Variants in EIF4G3 observed in about 807,000 individuals in gnomAD.
The protein encoded by EIF4G3 is eIF-4-gamma 3.
Under a neutral mutation model 186.4 loss-of-function variants are expected in EIF4G3, and 34 were observed. The observed-to-expected ratio is 0.18, with a 90% confidence interval of 0.14 to 0.24. EIF4G3 has a LOEUF of 0.24. EIF4G3 is among the 10% of genes least tolerant of loss of function. The pLI, the probability that EIF4G3 is intolerant of heterozygous loss-of-function variation, is 1.00. For synonymous variants in EIF4G3, 673 were observed against 679.5 expected (o/e 0.99, Z 0.15); for missense variants, 1,536 against 1,948.5 (o/e 0.79, Z 3.99).
intron 24 of EIF4G3, among the ~76,000 whole-genome samples, chr1:20,858,921 G>C (rs560772586): frequency 2.0e-5 from 3 of 152,198 alleles, no homozygotes; most frequent in Non-Finnish European, 4.4e-5. Context: ...GCTTGAATCC[G>C]GGAGGCGGAG....
intron 22 of EIF4G3, among the ~76,000 whole-genome samples, chr1:20,863,378 T>TAAAAAAAAAAAAAAA (rs3051243): frequency 5.9e-5 from 6 of 102,494 alleles, no homozygotes; most frequent in African/African-American, 1.6e-4. Context: ...CTACAAAAAG[T>TAAAAAAAAAAAAAAA]AAAAAAAAAA....
intron 13 of EIF4G3, among the ~76,000 whole-genome samples, chr1:20,943,241 G>A (rs953112047): frequency 3.9e-5 from 6 of 151,962 alleles, no homozygotes; most frequent in Non-Finnish European, 7.4e-5. Context: ...GTTAATACAC[G>A]AATAAATCCA....
intron 4 of EIF4G3, among the ~76,000 whole-genome samples, chr1:21,009,363 GGA>G (rs2086276526): frequency 6.6e-6 from 1 of 151,846 alleles, no homozygotes; most frequent in Admixed American, 6.6e-5. Context: ...AATTTTTCGT[GGA>G]GATAGGGTCT....
intron 14 of EIF4G3, among the ~76,000 whole-genome samples, chr1:20,905,551 A>G (rs2091824636): frequency 6.6e-6 from 1 of 152,194 alleles, no homozygotes; most frequent in Admixed American, 6.5e-5. Flanking sequence ...CTAGCCTTTC[A>G]TATTGATAGA....
intron 29 of EIF4G3, chr1:20,847,930 A>G (rs1466586043): frequency 1.1e-5 from 5 of 449,440 alleles, no homozygotes. Context: ...TGTGGAAAGC[A>G]GATGATGATT....
intron 4 of EIF4G3, among the ~76,000 whole-genome samples, chr1:21,011,835 G>GT (rs1435626287): frequency 1.3e-5 from 2 of 152,156 alleles, no homozygotes. Flanking sequence ...ACATAAAACA[G>GT]TTCAGAGGTA....
chr1:21,034,676 G>A (rs143182896), intron 4 of EIF4G3, among the ~76,000 whole-genome samples: 1 of 152,376 alleles, frequency 6.6e-6, no homozygotes, highest in Middle Eastern at 3.4e-3. Context: ...ACTGGCAGAG[G>A]TGGGGTGCGG....
At chr1:20,960,740 C>G (rs1163695030) in intron 12 of EIF4G3, among the ~76,000 whole-genome samples, 2 of 151,958 alleles carry the variant, frequency 1.3e-5, no homozygotes, top group African/African-American at 4.8e-5. Context: ...GCCAGGGCAA[C>G]AGACAAGACC....
At chr1:21,099,601 T>C (rs1235139753) in intron 2 of EIF4G3, among the ~76,000 whole-genome samples, 1 of 152,168 alleles carries the variant, frequency 6.6e-6, no homozygotes, top group Non-Finnish European at 1.5e-5. Context: ...TTATATAATA[T>C]ACTAGTTAAG....
chr1:20,835,083 A>G (rs2066360186), intron 30 of EIF4G3, among the ~76,000 whole-genome samples: 3 of 152,192 alleles, frequency 2.0e-5, no homozygotes, highest in African/African-American at 7.2e-5. Flanking sequence ...AACCTTGGAA[A>G]ATATCCAAAT....
intron 2 of EIF4G3, among the ~76,000 whole-genome samples, chr1:21,167,798 TA>T (rs1229038450): frequency 6.6e-6 from 1 of 152,100 alleles, no homozygotes; most frequent in Non-Finnish European, 1.5e-5. Context: ...CAGCCTTTTT[TA>T]AAAACTTAGT....
chr1:20,954,534 C>CAAA (rs35942587), intron 12 of EIF4G3, among the ~76,000 whole-genome samples: 310 of 48,076 alleles, frequency 6.4e-3, no homozygotes, highest in African/African-American at 9.4e-3. Context: ...GACCCCGTCT[C>CAAA]AAAAAAAAAA....
chr1:21,067,718 C>T lies in EIF4G3; in HGVS notation c.-195-16724G>A, dbSNP rs1006398318. On this transcript the variant is annotated intron_variant, in intron 3 of 36. Transcript: ENST00000602326. Reference sequence around the variant, plus strand: ...CGTAAAGTCGAAGTTGAGCTATTTCCAAATCCTAGGAATCAGGTTCAAAGT... The same window carrying T: ...CGTAAAGTCGAAGTTGAGCTATTTCTAAATCCTAGGAATCAGGTTCAAAGT... 5.3e-5 allele frequency among the ~76,000 whole-genome samples: 8 copies of T among 152,156 alleles called. No homozygotes were observed. The South Asian group carries it at 6.2e-4, about 12-fold the overall frequency.
chr1:20,941,920 T>C lies in EIF4G3; in HGVS notation c.1234A>G (p.Ile412Val). The change falls in exon 14 of 37, where the codon ATT becomes GTT. Residue 412 changes from isoleucine (I) to valine (V), a missense_variant. By Grantham distance (29) the Ile-to-Val change is conservative. Coordinates refer to ENST00000602326, the MANE Select transcript of EIF4G3 (RefSeq NM_001391906.1). ...DIPLVSSTNL[I>V]NEINGVSEKL... ...TCGCTAACTCCATTTATTTCATTAA[T>C]TAGGTTAGTACTAGAAACCAGTGGA... 6.2e-7 allele frequency: 1 copy of C among 1,614,176 alleles called. No individual in the cohort carries two copies. Among genetic ancestry groups the C allele is most frequent in the Non-Finnish European group, 8.5e-7 (1 of 1,180,018 alleles).
chr1:21,042,376 ATC>A (rs2093634608), intron 4 of EIF4G3, among the ~76,000 whole-genome samples: 1 of 152,194 alleles, frequency 6.6e-6, no homozygotes, highest in Admixed American at 6.5e-5. Flanking sequence ...AACTAAGTTA[ATC>A]TCTCTTTACT....
intron 12 of EIF4G3, among the ~76,000 whole-genome samples, chr1:20,967,515 TGAG>T (rs1049497299): frequency 6.6e-6 from 1 of 152,158 alleles, no homozygotes; most frequent in African/African-American, 2.4e-5. Context: ...AGGGGAATAA[TGAG>T]GAGTGATGAA....
chr1:20,864,326 T>C, intron 22 of EIF4G3, 150 bp downstream of exon 22: 1 of 676,354 alleles, frequency 1.5e-6, no homozygotes, highest in Non-Finnish European at 2.6e-6. Flanking sequence ...AGGAGCACGA[T>C]GGTTGAACAC....
At chr1:21,029,835 C>T (rs181167206) in intron 4 of EIF4G3, among the ~76,000 whole-genome samples, 19 of 152,066 alleles carry the variant, frequency 1.2e-4, no homozygotes, top group African/African-American at 3.9e-4. Context: ...AGACTATGGT[C>T]AGAAAAATGT....
Position 21,176,245 on chromosome 1 carries a change from C to G in EIF4G3, c.-342G>C. On this transcript the variant is annotated 5_prime_UTR_variant, in exon 2 of 37. Coordinates refer to ENST00000602326, the MANE Select transcript of EIF4G3 (RefSeq NM_001391906.1). ...GGGGGGACCGCTGCCGCCGCCGCCG[C>G]CGCCGCCGCCGCCGCCGCCGCTGCT... 1 of 374,272 alleles carries G rather than the reference C, an allele frequency of 2.7e-6. No individual in the cohort carries two copies. The highest frequency in any genetic ancestry group is 4.5e-5 in the East Asian group (1 of 22,156). The allele number at this position is 374,272 out of a possible 1,614,324, so 23.2% of individuals were successfully genotyped here. A position where few individuals can be genotyped will look rare whatever the true frequency, so the allele number is the denominator to read the frequency against.
Sources: allele counts gnomAD v4.1 joint callset (sites outside exome capture counted in the v4.1 genomes callset), GRCh38; gene constraint gnomAD v4.1.1; transcripts MANE v1.5; gene names NCBI Gene and HGNC (gene_info 2026-07-23, HGNC 2026-07-21).